PHACTR1: variants seen among roughly 807,000 people sequenced by gnomAD.
PHACTR1 encodes phosphatase and actin regulator 1, also known as RPEL repeat containing 1.
A neutral mutation model predicts 69.2 loss-of-function variants in PHACTR1; 16 were observed. That is an observed-to-expected ratio of 0.23 (90% CI 0.16 to 0.35). The LOEUF is 0.35. PHACTR1 is among the 10% of genes least tolerant of loss of function. PHACTR1 has a pLI of 1.00. For missense variants in PHACTR1, 510 were observed against 734.7 expected, an observed-to-expected ratio of 0.69 and a Z score of 3.54; for synonymous variants, 312 against 284.5, an observed-to-expected ratio of 1.10 and a Z score of -0.97.
At chr6:12,828,100 C>T (rs2127722050) in intron 4 of PHACTR1, among the ~76,000 whole-genome samples, 1 of 152,316 alleles carries the variant, frequency 6.6e-6, no homozygotes, top group African/African-American at 2.4e-5. Context: ...CTAACCTTAA[C>T]CAATCCCAGT....
intron 4 of PHACTR1, among the ~76,000 whole-genome samples, chr6:12,914,734 T>TA (rs1175269228): frequency 4.6e-5 from 7 of 151,792 alleles, no homozygotes; most frequent in East Asian, 3.9e-4. Flanking sequence ...GGAACAATAT[T>TA]AAAAAAAATC....
At chr6:12,908,813 G>A (rs977525423) in intron 4 of PHACTR1, among the ~76,000 whole-genome samples, 2 of 152,220 alleles carry the variant, frequency 1.3e-5, no homozygotes, top group African/African-American at 4.8e-5. Flanking sequence ...CCCATGGCAG[G>A]CAGGAAGCCG....
intron 4 of PHACTR1, among the ~76,000 whole-genome samples, chr6:12,752,257 T>G (rs1766711787): frequency 6.6e-6 from 1 of 152,348 alleles, no homozygotes; most frequent in African/African-American, 2.4e-5. Flanking sequence ...GCAAACAGCC[T>G]TGTTTATCTC....
At chr6:12,984,197 C>T (rs1026352019) in intron 4 of PHACTR1, among the ~76,000 whole-genome samples, 1 of 152,238 alleles carries the variant, frequency 6.6e-6, no homozygotes, top group African/African-American at 2.4e-5. Flanking sequence ...TCCACATCCT[C>T]TCCAGCACCT....
intron 4 of PHACTR1, among the ~76,000 whole-genome samples, chr6:12,989,878 T>C (rs1296002659): frequency 2.0e-5 from 3 of 152,210 alleles, no homozygotes; most frequent in Non-Finnish European, 2.9e-5. Context: ...CTTTAACTTA[T>C]TGGAGAGTAG....
At position 13,038,504 on chromosome 6, in the gene PHACTR1, AAAAG is replaced by A. The variant is rs1331222723; in HGVS notation, c.251-14860_251-14857del. On this transcript the variant is annotated intron_variant, in intron 4 of 14. Coordinates refer to ENST00000332995, the MANE Select transcript of PHACTR1 (RefSeq NM_030948.6). ...TCAAGTGTTTAAAAAAAAAAAAAAAAAAAGGAAGGACTTGGCTCCTTTACAAACT... is the reference window on the plus strand; with the variant it reads ...TCAAGTGTTTAAAAAAAAAAAAAAAAGAAGGACTTGGCTCCTTTACAAACT... Among the ~76,000 whole-genome samples, 41 of 151,902 alleles carry A rather than the reference AAAAG, an allele frequency of 2.7e-4. No individual in the cohort carries two copies. In the East Asian group the frequency reaches 7.5e-3, roughly 28 times the overall value.
chr6:13,070,907 A>T (rs2127772897), intron 5 of PHACTR1, among the ~76,000 whole-genome samples: 1 of 152,168 alleles, frequency 6.6e-6, no homozygotes, highest in Admixed American at 6.5e-5. Context: ...AAGTTGAAGG[A>T]GATAGAGAAA....
intron 5 of PHACTR1, among the ~76,000 whole-genome samples, chr6:13,096,988 A>C (rs536384204): frequency 6.6e-6 from 1 of 152,330 alleles, no homozygotes; most frequent in African/African-American, 2.4e-5. Flanking sequence ...ATAGTGAATA[A>C]TTAATCTGAT....
chr6:13,006,662 C>T (rs995000704), intron 4 of PHACTR1, among the ~76,000 whole-genome samples: 8 of 145,978 alleles, frequency 5.5e-5, no homozygotes, highest in Non-Finnish European at 9.0e-5. Flanking sequence ...ATATATGATA[C>T]ACACACACAC....
Position 13,206,057 on chromosome 6 carries a change from CT to C in PHACTR1, c.908del (p.Leu303ProfsTer10). 6.2e-7 allele frequency: 1 copy of C among 1,613,878 alleles called. No individual in the cohort carries two copies. The highest frequency in any genetic ancestry group is 8.5e-7 in the Non-Finnish European group (1 of 1,179,868). On this transcript the variant is annotated frameshift_variant, in exon 8 of 15. Transcript: ENST00000332995. LOFTEE classifies it high-confidence loss of function. ...GCACCTCCCCTCCACCACCGGCTCCCTCCCCATGCACCCCTCGGGCTGCAGA... is the reference window on the plus strand; with the variant it reads ...GCACCTCCCCTCCACCACCGGCTCCCCCCCATGCACCCCTCGGGCTGCAGA... Reference protein sequence around the residue: ...GQHLPSTTGSLPMHPSGCRMI... With the variant: ...GQHLPSTTGSXPMHPSGCRMI...
At chr6:13,184,059 G>T (rs1218078597) in intron 7 of PHACTR1, among the ~76,000 whole-genome samples, 1 of 152,228 alleles carries the variant, frequency 6.6e-6, no homozygotes, top group Non-Finnish European at 1.5e-5. Context: ...AAGATGAAAA[G>T]GTTGATTTAA....
intron 10 of PHACTR1, among the ~76,000 whole-genome samples, chr6:13,254,662 T>A (rs1774938422): frequency 1.3e-5 from 2 of 152,190 alleles, no homozygotes; most frequent in Non-Finnish European, 2.9e-5. Context: ...TGAGGAGGGT[T>A]TATTTACAAC....
rs191049811 is a variant in PHACTR1 at position 13,036,851 on chromosome 6, A to G, written c.251-16514A>G. Among the ~76,000 whole-genome samples, 5 of 152,340 alleles carry G rather than the reference A, an allele frequency of 3.3e-5. No homozygotes were observed. In the East Asian group the frequency reaches 9.6e-4, roughly 29 times the overall value. On this transcript the variant is annotated intron_variant, in intron 4 of 14. Coordinates refer to ENST00000332995, the MANE Select transcript of PHACTR1 (RefSeq NM_030948.6). ...CCATGAATATTCCAGGAGATGGGAA[A>G]TATACATACTGAAACCAGAGCCTAT...
At chr6:12,985,602 G>A (rs1270123129) in intron 4 of PHACTR1, among the ~76,000 whole-genome samples, 5 of 140,148 alleles carry the variant, frequency 3.6e-5, no homozygotes, top group African/African-American at 5.3e-5. Context: ...ACACAAACAC[G>A]AATATGAAAG....
At chr6:12,977,696 A>G (rs1414379019) in intron 4 of PHACTR1, among the ~76,000 whole-genome samples, 3 of 152,212 alleles carry the variant, frequency 2.0e-5, no homozygotes, top group Non-Finnish European at 4.4e-5. Context: ...TTTTCATGGA[A>G]AGTCTTTCTC....
At chr6:12,853,321 A>T (rs780339006) in intron 4 of PHACTR1, among the ~76,000 whole-genome samples, 7 of 152,176 alleles carry the variant, frequency 4.6e-5, no homozygotes, top group African/African-American at 1.7e-4. Flanking sequence ...CAGCCTCAGA[A>T]TCTCCAACGA....
At chr6:12,968,478 C>G (rs1307564687) in intron 4 of PHACTR1, among the ~76,000 whole-genome samples, 1 of 152,158 alleles carries the variant, frequency 6.6e-6, no homozygotes, top group Non-Finnish European at 1.5e-5. Context: ...GTGCAACCAT[C>G]ACCACCATCC....
intron 4 of PHACTR1, among the ~76,000 whole-genome samples, chr6:12,768,667 A>AT (rs989075235): frequency 1.3e-5 from 2 of 151,978 alleles, no homozygotes; most frequent in African/African-American, 4.8e-5. Flanking sequence ...TATTTCACAT[A>AT]TTGGTTTCAT....
chr6:13,200,495 G>T (rs534125868), intron 7 of PHACTR1, among the ~76,000 whole-genome samples: 2 of 152,264 alleles, frequency 1.3e-5, no homozygotes, highest in South Asian at 4.2e-4. Flanking sequence ...TGGTTCAGCA[G>T]GTCCAAAGTA....
Sources: gnomAD v4.1 joint callset for allele counts (sites outside exome capture counted in the v4.1 genomes callset) on GRCh38, gnomAD v4.1.1 for gene constraint, MANE v1.5 for transcripts, NCBI Gene and HGNC (gene_info 2026-07-23, HGNC 2026-07-21) for gene names.